SPTSSA: variants seen among roughly 807,000 people sequenced by gnomAD.
The protein encoded by SPTSSA is small subunit of serine palmitoyltransferase A.
SPTSSA carries 8 observed loss-of-function variants against 9.1 expected under a neutral mutation model. That is an observed-to-expected ratio of 0.88 (90% CI 0.51 to 1.58). SPTSSA has a LOEUF of 1.58. Among genes scored for constraint, SPTSSA ranks in the 40% most tolerant of loss-of-function variants. The pLI is 0.00. For missense variants in SPTSSA, 100 were observed against 93.8 expected (o/e 1.07, Z -0.27); for synonymous variants, 42 against 37.7 (o/e 1.11, Z -0.41).
intron 1 of SPTSSA, 49 bp downstream of exon 1, chr14:34,462,047 G>GGCCCGCGCCCCCA: frequency 8.2e-7 from 1 of 1,226,744 alleles, no homozygotes; most frequent in Non-Finnish European, 1.0e-6. Flanking sequence ...GCGGCCCCGC[G>GGCCCGCGCCCCCA]GCCCGCGCCC....
intron 1 of SPTSSA, among the ~76,000 whole-genome samples, chr14:34,458,195 T>G (rs1418151694): frequency 2.8e-5 from 4 of 144,294 alleles, no homozygotes; most frequent in Non-Finnish European, 6.0e-5. Context: ...AATACTTATA[T>G]TCAATTGAGA....
At chr14:34,450,118 G>T (rs1206918762) in intron 1 of SPTSSA, among the ~76,000 whole-genome samples, 1 of 152,182 alleles carries the variant, frequency 6.6e-6, no homozygotes, top group Non-Finnish European at 1.5e-5. Flanking sequence ...TCAGGGTTGT[G>T]AGAATTCAGA....
chr14:34,454,843 T>C (rs139442056), intron 1 of SPTSSA, among the ~76,000 whole-genome samples: 5,517 of 152,258 alleles, frequency 0.036, 331 homozygotes, highest in African/African-American at 0.13. Context: ...TCCCAGAACT[T>C]TGGGAGGCCA....
intron 1 of SPTSSA, among the ~76,000 whole-genome samples, chr14:34,443,508 T>G (rs1306119608): frequency 4.0e-4 from 4 of 10,074 alleles, no homozygotes; most frequent in East Asian, 9.6e-4. Flanking sequence ...TAGGGGAGGG[T>G]GTGTGTGTGT....
intron 1 of SPTSSA, among the ~76,000 whole-genome samples, chr14:34,456,805 G>A (rs990881684): frequency 3.3e-5 from 5 of 150,428 alleles, no homozygotes; most frequent in Admixed American, 1.3e-4. Context: ...AGGGCAAGGC[G>A]GAACAATTGC....
intron 1 of SPTSSA, among the ~76,000 whole-genome samples, chr14:34,445,102 T>A (rs1012397155): frequency 1.3e-5 from 2 of 151,440 alleles, no homozygotes; most frequent in Non-Finnish European, 2.9e-5. Flanking sequence ...AAAAAAATTT[T>A]AAAAAGACTA....
intron 1 of SPTSSA, among the ~76,000 whole-genome samples, chr14:34,453,198 G>A (rs989828906): frequency 6.6e-6 from 1 of 152,192 alleles, no homozygotes; most frequent in East Asian, 1.9e-4. Context: ...CTGCCTGCAG[G>A]GTGAGGATGA....
chr14:34,446,532 A>T (rs1432126795), intron 1 of SPTSSA, among the ~76,000 whole-genome samples: 1 of 152,226 alleles, frequency 6.6e-6, no homozygotes, highest in African/African-American at 2.4e-5. Flanking sequence ...ATGAAGGCCC[A>T]ATGTAGGTAA....
chr14:34,447,211 G>A (rs1250550652), intron 1 of SPTSSA, among the ~76,000 whole-genome samples: 1 of 132,386 alleles, frequency 7.6e-6, no homozygotes, highest in Non-Finnish European at 1.6e-5. Context: ...GTGACAGAGC[G>A]AGACTCCATC....
At chr14:34,456,712 A>T (rs1878483509) in intron 1 of SPTSSA, among the ~76,000 whole-genome samples, 1 of 152,004 alleles carries the variant, frequency 6.6e-6, no homozygotes, top group Non-Finnish European at 1.5e-5. Context: ...AGCCTGGCCA[A>T]CATGGTGAAA....
chr14:34,443,612 T>C (rs1348553622), intron 1 of SPTSSA, among the ~76,000 whole-genome samples: 1 of 149,852 alleles, frequency 6.7e-6, no homozygotes, highest in African/African-American at 2.5e-5. Flanking sequence ...CTTAGCTCAC[T>C]GCAACCTCTG....
At chr14:34,453,602 G>A (rs1388377184) in intron 1 of SPTSSA, among the ~76,000 whole-genome samples, 1 of 152,158 alleles carries the variant, frequency 6.6e-6, no homozygotes, top group Non-Finnish European at 1.5e-5. Context: ...GCCAAGTATT[G>A]TGTTTGTTAG....
At chr14:34,441,325 A>C (rs961143805) in intron 1 of SPTSSA, among the ~76,000 whole-genome samples, 2 of 152,194 alleles carry the variant, frequency 1.3e-5, no homozygotes, top group African/African-American at 4.8e-5. Context: ...ACTTTACTTC[A>C]TCCTCTCCAT....
chr14:34,448,825 T>A (rs372575743), intron 1 of SPTSSA, among the ~76,000 whole-genome samples: 2 of 150,134 alleles, frequency 1.3e-5, no homozygotes, highest in South Asian at 2.1e-4. Flanking sequence ...TGGCAAAACC[T>A]CATTTTTTAC....
chr14:34,440,244 T>C (rs1883296413), intron 1 of SPTSSA, among the ~76,000 whole-genome samples: 1 of 152,260 alleles, frequency 6.6e-6, no homozygotes, highest in Non-Finnish European at 1.5e-5. Context: ...TGATGCTTTC[T>C]ACATATTCCT....
intron 1 of SPTSSA, among the ~76,000 whole-genome samples, chr14:34,446,510 G>T (rs1883424964): frequency 6.6e-6 from 1 of 152,128 alleles, no homozygotes. Flanking sequence ...CTTATACTTT[G>T]ACAGATAAAA....
intron 1 of SPTSSA, among the ~76,000 whole-genome samples, chr14:34,450,144 CAAGAG>C (rs1480662005): frequency 4.6e-5 from 7 of 152,166 alleles, no homozygotes; most frequent in African/African-American, 1.7e-4. Flanking sequence ...ACCTATTCTG[CAAGAG>C]AAGGCAATGT....
intron 1 of SPTSSA, among the ~76,000 whole-genome samples, chr14:34,438,087 G>T (rs1006881766): frequency 1.3e-5 from 2 of 152,128 alleles, no homozygotes; most frequent in Non-Finnish European, 2.9e-5. Flanking sequence ...ACAGGTGTGA[G>T]CCACCACGCC....
At chr14:34,459,651 G>A (rs540898963) in intron 1 of SPTSSA, among the ~76,000 whole-genome samples, 107 of 151,940 alleles carry the variant, frequency 7.0e-4, no homozygotes, top group Admixed American at 2.3e-3. Context: ...CGTGGTGGCA[G>A]GCACCTGTAA....
Sources: gnomAD v4.1 joint callset for allele counts (sites outside exome capture counted in the v4.1 genomes callset) on GRCh38, gnomAD v4.1.1 for gene constraint, MANE v1.5 for transcripts, NCBI Gene and HGNC (gene_info 2026-07-23, HGNC 2026-07-21) for gene names.